The following GNAQ variants were observed in gnomAD, a reference collection of about 807,000 sequenced individuals.
The protein encoded by GNAQ is G protein subunit alpha q, also known as guanine nucleotide-binding protein G(q) subunit alpha.
GNAQ carries 8 observed loss-of-function variants against 43.9 expected under a neutral mutation model. The observed-to-expected ratio is 0.18, with a 90% CI of 0.11 to 0.33. GNAQ has a LOEUF of 0.33. Ranked by LOEUF, GNAQ falls within the 10% of genes least tolerant of loss-of-function variation. The probability of loss-of-function intolerance (pLI) is 1.00; values close to 1 mark genes in which losing one functional copy is unlikely to be tolerated. For synonymous variants in GNAQ, 155 were observed against 170.7 expected (o/e 0.91, Z 0.71); for missense variants, 158 against 450.8 (o/e 0.35, Z 5.88).
intron 2 of GNAQ, among the ~76,000 whole-genome samples, chr9:77,903,587 G>T (rs1297455517): frequency 6.6e-6 from 1 of 152,132 alleles, no homozygotes; most frequent in Non-Finnish European, 1.5e-5. Context: ...TTCCAGGCAG[G>T]CTCTATCTGG....
At chr9:77,775,951 AAAAG>A (rs1246175621) in intron 5 of GNAQ, among the ~76,000 whole-genome samples, 2 of 152,190 alleles carry the variant, frequency 1.3e-5, no homozygotes, top group Admixed American at 1.3e-4. Flanking sequence ...AAAGAAAAGA[AAAAG>A]AAAAAAATTC....
At chr9:78,010,398 G>A (rs1201486632) in intron 1 of GNAQ, among the ~76,000 whole-genome samples, 1 of 152,122 alleles carries the variant, frequency 6.6e-6, no homozygotes, top group Non-Finnish European at 1.5e-5. Context: ...ATAAACAGAT[G>A]ACTGAAGATG....
At chr9:77,780,899 G>C (rs1587913579) in intron 5 of GNAQ, among the ~76,000 whole-genome samples, 1 of 149,678 alleles carries the variant, frequency 6.7e-6, no homozygotes, top group Non-Finnish European at 1.5e-5. Flanking sequence ...TGTTGACTGT[G>C]TGTCTTCCTT....
At chr9:77,994,244 G>C (rs1430312406) in intron 1 of GNAQ, among the ~76,000 whole-genome samples, 1 of 151,978 alleles carries the variant, frequency 6.6e-6, no homozygotes, top group Non-Finnish European at 1.5e-5. Flanking sequence ...TCACTATGTT[G>C]TCCAGGCTGG....
At chr9:77,985,330 A>G (rs1204186546) in intron 1 of GNAQ, among the ~76,000 whole-genome samples, 1 of 152,128 alleles carries the variant, frequency 6.6e-6, no homozygotes, top group Non-Finnish European at 1.5e-5. Flanking sequence ...CCAACCAACA[A>G]ACAAAAGAGT....
chr9:77,955,004 C>T (rs971778756), intron 1 of GNAQ, among the ~76,000 whole-genome samples: 5 of 152,154 alleles, frequency 3.3e-5, no homozygotes, highest in African/African-American at 1.2e-4. Flanking sequence ...GCATAACCAC[C>T]GAATAGTAAC....
intron 2 of GNAQ, among the ~76,000 whole-genome samples, chr9:77,915,901 C>T (rs1364668966): frequency 6.6e-6 from 1 of 152,168 alleles, no homozygotes; most frequent in African/African-American, 2.4e-5. Flanking sequence ...TTTGTAACAC[C>T]ATCATTCCCC....
rs746965115 is a variant in GNAQ, at chr9:77,996,272, A to G, written c.136+34828T>C. Among the ~76,000 whole-genome samples, 3 of 152,210 alleles carry G rather than the reference A, an allele frequency of 2.0e-5. No homozygotes were observed. The East Asian group carries it at 5.8e-4, about 29-fold the overall frequency. ...GAGCTTTATTTAATTTCATCTTTTG[A>G]TAAGTTTAAAACTTGATGGGAGTGT... is the stretch of plus-strand genomic sequence containing the variant. On this transcript the variant is annotated intron_variant, in intron 1 of 6. Transcript: ENST00000286548.
At chr9:78,017,513 C>T (rs1823854222) in intron 1 of GNAQ, among the ~76,000 whole-genome samples, 1 of 152,188 alleles carries the variant, frequency 6.6e-6, no homozygotes, top group African/African-American at 2.4e-5. Flanking sequence ...GTACATTTCA[C>T]CTTCATTTTG....
At chr9:77,808,561 G>T (rs1373436756) in intron 3 of GNAQ, among the ~76,000 whole-genome samples, 1 of 151,986 alleles carries the variant, frequency 6.6e-6, no homozygotes, top group South Asian at 2.1e-4. Flanking sequence ...ATCATGTAGA[G>T]AATAATTTCT....
rs550168986 is a variant in GNAQ at position 77,920,994 on chromosome 9, C to T, written c.321+1167G>A. On this transcript the variant is annotated intron_variant, in intron 2 of 6. Coordinates refer to ENST00000286548, the MANE Select transcript of GNAQ (RefSeq NM_002072.5). ...TGAGTCCCACTGGACATTGCAACTT[C>T]TTGCTATTGCTTACTGATCTTGGAA... Among the ~76,000 whole-genome samples the T allele has an allele frequency of 3.3e-5, 5 of 152,324 alleles. No homozygotes were observed. In the South Asian group the frequency reaches 1.0e-3, roughly 32 times the overall value.
intron 1 of GNAQ, 70 bp downstream of exon 1, chr9:78,031,030 G>C: frequency 8.6e-7 from 1 of 1,166,104 alleles, no homozygotes; most frequent in Non-Finnish European, 1.1e-6. Context: ...GCCGAAGGCA[G>C]CTGCCCCGCA....
intron 1 of GNAQ, among the ~76,000 whole-genome samples, chr9:78,008,195 G>GA (rs1823729936): frequency 6.6e-6 from 1 of 152,216 alleles, no homozygotes; most frequent in African/African-American, 2.4e-5. Context: ...ACAGGTGGGG[G>GA]AAAGATGGCC....
At chr9:77,836,373 C>G in intron 2 of GNAQ, among the ~76,000 whole-genome samples, 1 of 152,158 alleles carries the variant, frequency 6.6e-6, no homozygotes, top group Non-Finnish European at 1.5e-5. Context: ...AGTGAACTTT[C>G]CCATCTGAAA....
intron 1 of GNAQ, among the ~76,000 whole-genome samples, chr9:77,923,696 T>C (rs140097398): frequency 6.6e-6 from 1 of 151,728 alleles, no homozygotes; most frequent in African/African-American, 2.4e-5. Flanking sequence ...GACGGAATAA[T>C]AGAATGAAAC....
At chr9:77,834,699 T>A (rs1376529107) in intron 2 of GNAQ, among the ~76,000 whole-genome samples, 1 of 152,188 alleles carries the variant, frequency 6.6e-6, no homozygotes, top group Non-Finnish European at 1.5e-5. Flanking sequence ...GAGCTGCCTG[T>A]AGGTACCAGA....
chr9:77,868,169 T>C (rs1827978910), intron 2 of GNAQ, among the ~76,000 whole-genome samples: 1 of 152,238 alleles, frequency 6.6e-6, no homozygotes, highest in Non-Finnish European at 1.5e-5. Flanking sequence ...TATTCCTCTG[T>C]GTATCCTAAA....
chr9:77,752,667 TG>T (rs1825828975), intron 5 of GNAQ, among the ~76,000 whole-genome samples: 1 of 152,248 alleles, frequency 6.6e-6, no homozygotes, highest in African/African-American at 2.4e-5. Flanking sequence ...TGGAAATGCC[TG>T]TGTCTGTTAT....
chr9:77,950,686 T>C (rs986050896), intron 1 of GNAQ, among the ~76,000 whole-genome samples: 2 of 152,246 alleles, frequency 1.3e-5, no homozygotes, highest in Non-Finnish European at 2.9e-5. Flanking sequence ...GCACAGCATT[T>C]GTTTTTCACT....
Sources: allele counts gnomAD v4.1 joint callset (sites outside exome capture counted in the v4.1 genomes callset), GRCh38; gene constraint gnomAD v4.1.1; transcripts MANE v1.5; gene names NCBI Gene and HGNC (gene_info 2026-07-23, HGNC 2026-07-21).